The following CAMK2D variants were observed in gnomAD, a reference collection of about 807,000 sequenced individuals.
CAMK2D encodes calcium/calmodulin dependent protein kinase II delta.
In CAMK2D, 37 loss-of-function variants were observed where a neutral mutation model predicts 84.0. The ratio of observed to expected loss-of-function variants is 0.44; its 90% CI spans 0.34 to 0.58. The LOEUF is 0.58. Ranked by LOEUF, CAMK2D falls within the 20% of genes least tolerant of loss-of-function variation. The pLI is 0.02. For missense variants in CAMK2D, 448 were observed against 652.5 expected, an observed-to-expected ratio of 0.69 and a Z score of 3.41; for synonymous variants, 202 against 212.5, an observed-to-expected ratio of 0.95 and a Z score of 0.43.
chr4:113,508,149 C>T, intron 13 of CAMK2D: 5 of 947,108 alleles, frequency 5.3e-6, no homozygotes, highest in Non-Finnish European at 8.4e-6. Flanking sequence ...ACCCTCTCCA[C>T]TTACTTACAC....
chr4:113,478,283 C>T (rs1284687699), intron 16 of CAMK2D, among the ~76,000 whole-genome samples: 2 of 152,178 alleles, frequency 1.3e-5, no homozygotes, highest in Admixed American at 1.3e-4. Context: ...TCCTCAATAA[C>T]TTACAACACT....
intron 3 of CAMK2D, among the ~76,000 whole-genome samples, chr4:113,651,644 CT>C (rs2099173096): frequency 6.6e-6 from 1 of 152,104 alleles, no homozygotes; most frequent in Admixed American, 6.5e-5. Context: ...GTCCTGATTT[CT>C]TTTTCTACAA....
intron 2 of CAMK2D, among the ~76,000 whole-genome samples, chr4:113,720,561 A>C (rs1465554690): frequency 2.0e-5 from 3 of 152,090 alleles, no homozygotes; most frequent in African/African-American, 7.2e-5. Flanking sequence ...TAAATGCTAA[A>C]AAGTATCCTC....
chr4:113,603,773 T>TATATATATATATATATATA (rs2098964722), intron 4 of CAMK2D, among the ~76,000 whole-genome samples: 3 of 127,968 alleles, frequency 2.3e-5, no homozygotes, highest in African/African-American at 9.8e-5. Context: ...TCTTGCTATT[T>TATATATATATATATATATA]TATATATATA....
intron 3 of CAMK2D, among the ~76,000 whole-genome samples, chr4:113,614,620 C>T (rs996869504): frequency 2.6e-5 from 4 of 152,238 alleles, no homozygotes; most frequent in South Asian, 2.1e-4. Context: ...CATAGCTGAA[C>T]GAAACTGCAT....
Position 113,517,604 on chromosome 4 carries a change from G to T in CAMK2D, c.655C>A (p.Gln219Lys). ...TTGATCTGCTGATAGAGTCTGTGTT[G>T]GTCTTCATCCCAGAAGGGTGGATAC... ...VGYPPFWDED[Q>K]HRLYQQIKAG... Residue 219 changes from glutamine (Q) to lysine (K), a missense_variant, in exon 9 of 21, where the codon CAA (glutamine) becomes AAA (lysine). Around this residue, in one of 7 missense-constraint regions of CAMK2D, gnomAD observed 69 missense variants for 175.6 expected, o/e 0.39. Coordinates refer to ENST00000511664, the MANE Select transcript of CAMK2D (RefSeq NM_001321571.2). 1 of 1,591,544 alleles carries T rather than the reference G, an allele frequency of 6.3e-7. No homozygotes were observed. The highest frequency in any genetic ancestry group is 8.6e-7 in the Non-Finnish European group (1 of 1,159,994).
chr4:113,519,024 A>G (rs528895071), intron 8 of CAMK2D, among the ~76,000 whole-genome samples: 1 of 152,168 alleles, frequency 6.6e-6, no homozygotes, highest in South Asian at 2.1e-4. Flanking sequence ...CATAAAAATA[A>G]TTTTTCCATA....
At chr4:113,750,839 G>A (rs2099615490) in intron 2 of CAMK2D, among the ~76,000 whole-genome samples, 2 of 151,716 alleles carry the variant, frequency 1.3e-5, no homozygotes, top group Non-Finnish European at 1.5e-5. Context: ...AACACAGAGA[G>A]ACTCTGTCTT....
intron 2 of CAMK2D, among the ~76,000 whole-genome samples, chr4:113,686,187 G>T (rs1175615818): frequency 6.6e-6 from 1 of 152,064 alleles, no homozygotes; most frequent in African/African-American, 2.4e-5. Flanking sequence ...AAAGAAATGG[G>T]AAGAAATTAT....
chr4:113,608,187 A>G (rs770206647), intron 4 of CAMK2D, among the ~76,000 whole-genome samples: 1 of 152,252 alleles, frequency 6.6e-6, no homozygotes, highest in Non-Finnish European at 1.5e-5. Context: ...ACAAACCCAC[A>G]TAATACTAAA....
chr4:113,457,177 A>C, intron 19 of CAMK2D, 158 bp downstream of exon 19: 4 of 1,441,738 alleles, frequency 2.8e-6, no homozygotes. Flanking sequence ...TGATCTTTCC[A>C]GAGAATCATA....
At chr4:113,759,523 C>A in intron 1 of CAMK2D, 109 bp from the exon 2 acceptor site, 1 of 509,642 alleles carries the variant, frequency 2.0e-6, no homozygotes, top group Non-Finnish European at 3.4e-6. Flanking sequence ...CAGTGAAGTA[C>A]AGTAATATCC....
At position 113,761,389 on chromosome 4, in the gene CAMK2D, G is replaced by A. The variant is rs2099641093; in HGVS notation, c.-321C>T. 14 of 1,277,118 alleles carry A rather than the reference G, an allele frequency of 1.1e-5. No individual in the cohort carries two copies. The highest frequency in any genetic ancestry group is 1.4e-5 in the Non-Finnish European group (14 of 1,002,184). 79.1% of individuals were successfully genotyped at this position (1,277,118 alleles called of 1,614,324 possible). On this transcript the variant is annotated 5_prime_UTR_variant, in exon 1 of 21. Transcript: ENST00000511664. ...CAAATGCAGGGGGTAAAGTACTCAA[G>A]AAGAGGGGGCCGGGAAATGGAAAAA...
intron 16 of CAMK2D, among the ~76,000 whole-genome samples, chr4:113,470,844 A>G (rs1486880549): frequency 6.6e-6 from 1 of 152,232 alleles, no homozygotes; most frequent in African/African-American, 2.4e-5. Flanking sequence ...TCTAGCAGAT[A>G]ACACAGTGCA....
intron 2 of CAMK2D, among the ~76,000 whole-genome samples, chr4:113,705,170 A>T (rs2099442254): frequency 2.0e-5 from 3 of 151,174 alleles, no homozygotes; most frequent in Admixed American, 1.3e-4. Flanking sequence ...ACAAAAAAAA[A>T]AAAAAAATTA....
chr4:113,518,177 T>C (rs2098311427), intron 8 of CAMK2D, among the ~76,000 whole-genome samples: 1 of 152,180 alleles, frequency 6.6e-6, no homozygotes, highest in South Asian at 2.1e-4. Flanking sequence ...CAAAACCCTT[T>C]TCTTTTCAGT....
chr4:113,640,508 A>G (rs972630057), intron 3 of CAMK2D, among the ~76,000 whole-genome samples: 1 of 152,176 alleles, frequency 6.6e-6, no homozygotes, highest in African/African-American at 2.4e-5. Flanking sequence ...CTTACTATCT[A>G]TCAGAAAAGT....
At chr4:113,575,056 T>C (rs775129613) in intron 4 of CAMK2D, among the ~76,000 whole-genome samples, 17 of 152,188 alleles carry the variant, frequency 1.1e-4, no homozygotes, top group South Asian at 6.2e-4. Flanking sequence ...GTAATATTTA[T>C]AGCTCCACAA....
intron 1 of CAMK2D, among the ~76,000 whole-genome samples, chr4:113,759,662 CTT>C (rs904878604): frequency 3.3e-5 from 5 of 152,160 alleles, no homozygotes; most frequent in Non-Finnish European, 5.9e-5. Flanking sequence ...TATGACCGCT[CTT>C]GTTTGCACAA....
Sources: allele counts gnomAD v4.1 joint callset (sites outside exome capture counted in the v4.1 genomes callset), GRCh38; gene constraint gnomAD v4.1.1; regional missense constraint gnomAD v4.1.1; transcripts MANE v1.5; gene names NCBI Gene and HGNC (gene_info 2026-07-23, HGNC 2026-07-21).